Variants in ORC1 observed in about 807,000 individuals in gnomAD.
The protein encoded by ORC1 is origin recognition complex, subunit 1 homolog.
Under a neutral mutation model 98.9 loss-of-function variants are expected in ORC1, and 61 were observed. That is an observed-to-expected ratio of 0.62 (90% confidence interval 0.50 to 0.76). The LOEUF (loss-of-function observed/expected upper bound fraction) is 0.76. Among genes scored for constraint, ORC1 ranks in the 30% least tolerant of loss-of-function variants. The pLI is 0.00. For synonymous variants in ORC1, 385 were observed against 406.9 expected, an observed-to-expected ratio of 0.95 and a Z score of 0.65; for missense variants, 979 against 1,072.2, an observed-to-expected ratio of 0.91 and a Z score of 1.21.
chr1:52,375,484 T>C lies in ORC1; in HGVS notation c.2249A>G (p.His750Arg), dbSNP rs1187183422. Reference sequence around the variant, plus strand: ...CATCTCATCCACAGCTTCCATTGAGTGGGCTATGGTGACCAGGCCAGGGGA... The same window carrying C: ...CATCTCATCCACAGCTTCCATTGAGCGGGCTATGGTGACCAGGCCAGGGGA... Reference protein sequence around the residue: ...PDSPGLVTIAHSMEAVDEMFS... With the variant: ...PDSPGLVTIARSMEAVDEMFS... Residue 750 changes from histidine (H) to arginine (R), a missense_variant, in exon 15 of 17, where the codon CAC becomes CGC. By Grantham distance (29) the His-to-Arg change is conservative (BLOSUM62 0). Coordinates refer to ENST00000371568, the MANE Select transcript of ORC1 (RefSeq NM_004153.4). The C allele has an allele frequency of 6.2e-7, 1 of 1,614,088 alleles. No individual in the cohort carries two copies. Among genetic ancestry groups the C allele is most frequent in the South Asian group, 1.1e-5 (1 of 91,070 alleles).
At chr1:52,389,075 C>T in intron 7 of ORC1, 142 bp downstream of exon 7, 4 of 733,322 alleles carry the variant, frequency 5.5e-6, no homozygotes, top group Non-Finnish European at 9.6e-6. Context: ...TTATTTGAAA[C>T]TTAACATAAT....
chr1:52,408,444 A>T (rs775033189), upstream of ORC1: 3 of 1,296,990 alleles, frequency 2.3e-6, no homozygotes, highest in African/African-American at 2.9e-5. Context: ...CTACCTCCAC[A>T]ATTGCAGCTT....
intron 11 of ORC1, among the ~76,000 whole-genome samples, chr1:52,384,201 A>G (rs1647111010): frequency 6.6e-6 from 1 of 152,214 alleles, no homozygotes; most frequent in African/African-American, 2.4e-5. Flanking sequence ...AGAATTCTAT[A>G]ACTGGATGTT....
At chr1:52,390,405 C>G (rs373401094) in intron 6 of ORC1, among the ~76,000 whole-genome samples, 1 of 152,180 alleles carries the variant, frequency 6.6e-6, no homozygotes, top group African/African-American at 2.4e-5. Context: ...ATACTTATAG[C>G]CGACTGATGT....
Position 52,389,312 on chromosome 1 carries a change from T to G in ORC1, c.1092A>C (p.Lys364Asn), listed in dbSNP as rs61756134. 3 of 1,613,902 alleles carry G rather than the reference T, an allele frequency of 1.9e-6. No homozygotes were observed. Among genetic ancestry groups the G allele is most frequent in the Non-Finnish European group, 2.5e-6 (3 of 1,179,782 alleles). ...KPENIKKRDA[K>N]EAKAQNEATS... is the part of the protein sequence containing the mutation. ...TCGCTTCATTCTGGGCTTTTGCTTC[T>G]TTTGCATCCCTGCAAGAAACCACAG... The change falls in exon 7 of 17, where the codon AAA becomes AAC. Residue 364 changes from lysine (K) to asparagine (N), a missense_variant. Coordinates refer to ENST00000371568, the MANE Select transcript of ORC1 (RefSeq NM_004153.4).
chr1:52,393,623 A>C lies in ORC1; in HGVS notation c.902T>G (p.Leu301Arg). The change falls in exon 6 of 17, where the codon CTC (leucine) becomes CGC (arginine). Residue 301 changes from leucine (L) to arginine (R), a missense_variant. Physicochemically the swap from Leu to Arg is moderately radical, Grantham distance 102. Transcript: ENST00000371568. ...KAPEKTRETGLSYTEDDKKAS... is the reference protein window; with the variant it reads ...KAPEKTRETGRSYTEDDKKAS... ...CTTCTTGTCATCCTCAGTATAAGAG[A>C]GTCCAGTCTCTCTGGTTTTCTCTGG... The C allele has an allele frequency of 1.9e-6, 3 of 1,614,148 alleles. No homozygotes were observed. Among genetic ancestry groups the C allele is most frequent in the East Asian group, 4.5e-5 (2 of 44,876 alleles).
At chr1:52,386,686 G>C (rs1056531512) in intron 8 of ORC1, among the ~76,000 whole-genome samples, 3 of 152,178 alleles carry the variant, frequency 2.0e-5, no homozygotes, top group Admixed American at 2.0e-4. Flanking sequence ...TTACAGGCTG[G>C]TGCGGTGACT....
intron 13 of ORC1, among the ~76,000 whole-genome samples, 156 bp from the exon 14 acceptor site, chr1:52,381,917 C>CCTA (rs1263357878): frequency 4.6e-5 from 7 of 152,166 alleles, no homozygotes; most frequent in Non-Finnish European, 8.8e-5. Flanking sequence ...CTGACAATGA[C>CCTA]CAGTGGTGTC....
intron 6 of ORC1, among the ~76,000 whole-genome samples, chr1:52,391,765 G>A (rs1199080230): frequency 6.6e-6 from 1 of 151,908 alleles, no homozygotes; most frequent in African/African-American, 2.4e-5. Context: ...GGGCGTGGTG[G>A]TGAGTGCCTA....
At chr1:52,382,214 C>T (rs3790521) in intron 13 of ORC1, among the ~76,000 whole-genome samples, 28,587 of 152,066 alleles carry the variant, frequency 0.19, 3,421 homozygotes, top group East Asian at 0.38. Flanking sequence ...CTCCTGACCT[C>T]GGGATCCACC....
At position 52,381,714 on chromosome 1, in the gene ORC1, C is replaced by T. The variant is rs1478915628; in HGVS notation, c.2061G>A (p.Gln687=). Residue 687 remains glutamine, a synonymous_variant, in exon 14 of 17, where the codon CAG becomes CAA. Transcript: ENST00000371568. ...GCTTGAGCCGGGACCTTAGGATCTG[C>T]TGCAGCTGGCTATATGTATAGGGCT... ...CFQPYTYSQL[Q]QILRSRLKHL... The T allele has an allele frequency of 1.2e-6, 2 of 1,613,376 alleles. No individual in the cohort carries two copies. The highest frequency in any genetic ancestry group is 1.7e-6 in the Non-Finnish European group (2 of 1,179,740).
At chr1:52,404,531 A>G, upstream of ORC1, 1 of 495,450 alleles carries the variant, frequency 2.0e-6, no homozygotes, top group Non-Finnish European at 3.6e-6. Context: ...AGAGGGGCGC[A>G]TGACGTACAT....
chr1:52,399,623 CAAA>C (rs1198516466), intron 3 of ORC1, among the ~76,000 whole-genome samples: 8 of 64,108 alleles, frequency 1.2e-4, no homozygotes, highest in East Asian at 8.3e-4. Flanking sequence ...GACTCTGTCT[CAAA>C]AAAAAAAAAA....
chr1:52,408,887 C>G (rs1196071819), upstream of ORC1: 3 of 514,848 alleles, frequency 5.8e-6, no homozygotes, highest in Admixed American at 7.1e-5. Flanking sequence ...CTTACCCAGC[C>G]TGCCTCTGTC....
At chr1:52,397,640 A>T (rs1647467157) in intron 4 of ORC1, 45 bp downstream of exon 4, 9 of 1,587,042 alleles carry the variant, frequency 5.7e-6, no homozygotes, top group Non-Finnish European at 6.9e-6. Flanking sequence ...GGAGGCAGAC[A>T]GAAATAAGCT....
chr1:52,395,949 T>A, intron 5 of ORC1, 97 bp downstream of exon 5: 7 of 1,560,646 alleles, frequency 4.5e-6, no homozygotes, highest in Non-Finnish European at 3.5e-6. Context: ...TATAGTGCAC[T>A]GTGATCACTA....
chr1:52,405,152 G>GT (rs1226329822), upstream of ORC1, among the ~76,000 whole-genome samples: 1 of 152,230 alleles, frequency 6.6e-6, no homozygotes, highest in Non-Finnish European at 1.5e-5. Context: ...TTGCAACAGT[G>GT]TTAAGCTCAG....
chr1:52,404,486 A>C (rs3806209), upstream of ORC1: 1 of 342,784 alleles, frequency 2.9e-6, no homozygotes, highest in Non-Finnish European at 5.4e-6. Flanking sequence ...TCGTTGCGAC[A>C]CCAACTAGCT....
chr1:52,400,190 C>G, intron 3 of ORC1, among the ~76,000 whole-genome samples: 1 of 152,154 alleles, frequency 6.6e-6, no homozygotes, highest in East Asian at 1.9e-4. Context: ...GCAGTACTCT[C>G]CCCTTATCTG....
Sources: allele counts gnomAD v4.1 joint callset (sites outside exome capture counted in the v4.1 genomes callset), GRCh38; gene constraint gnomAD v4.1.1; transcripts MANE v1.5; gene names NCBI Gene and HGNC (gene_info 2026-07-23, HGNC 2026-07-21).